SLC2A13: variants seen among roughly 807,000 people sequenced by gnomAD.
SLC2A13 encodes the protein solute carrier family 2 member 13.
In SLC2A13, 32 loss-of-function variants were observed where a neutral mutation model predicts 64.4. The observed-to-expected ratio is 0.50, with a 90% confidence interval of 0.37 to 0.67. The LOEUF (loss-of-function observed/expected upper bound fraction) is 0.67, where lower values mean the gene tolerates loss of function less well. SLC2A13 is among the 30% of genes least tolerant of loss of function. The probability of loss-of-function intolerance (pLI) is 0.00; values close to 1 mark genes in which losing one functional copy is unlikely to be tolerated. For synonymous variants in SLC2A13, 338 were observed against 327.1 expected (o/e 1.03, Z -0.36); for missense variants, 743 against 829.2 (o/e 0.90, Z 1.28).
intron 6 of SLC2A13, among the ~76,000 whole-genome samples, chr12:39,851,176 A>T (rs1943456835): frequency 1.3e-5 from 2 of 152,218 alleles, no homozygotes; most frequent in African/African-American, 2.4e-5. Context: ...CTGAGATTAC[A>T]GGCATGAGTC....
chr12:40,027,140 G>A (rs958279929), intron 3 of SLC2A13, among the ~76,000 whole-genome samples: 4 of 151,822 alleles, frequency 2.6e-5, no homozygotes, highest in Non-Finnish European at 5.9e-5. Flanking sequence ...TTAGACAGGA[G>A]CATAAAATAA....
chr12:39,935,338 C>G (rs1945900268), intron 4 of SLC2A13, among the ~76,000 whole-genome samples: 1 of 152,156 alleles, frequency 6.6e-6, no homozygotes, highest in Non-Finnish European at 1.5e-5. Context: ...AAGGTCAGGA[C>G]TAACTTGGCA....
chr12:39,876,995 G>A (rs1466344686), intron 4 of SLC2A13, among the ~76,000 whole-genome samples: 1 of 152,048 alleles, frequency 6.6e-6, no homozygotes, highest in Non-Finnish European at 1.5e-5. Flanking sequence ...AGTTCCTAGT[G>A]CTATAAATAT....
chr12:39,893,812 A>G (rs144398982), intron 4 of SLC2A13, among the ~76,000 whole-genome samples: 5 of 152,352 alleles, frequency 3.3e-5, no homozygotes, highest in Middle Eastern at 3.4e-3. Flanking sequence ...TTAAGCCCAC[A>G]AAATAATATC....
In SLC2A13 at chr12:40,038,691, ACTG is replaced by A. The variant is rs1351623104; in HGVS notation, c.716+9357_716+9359del. 9.3e-5 allele frequency among the ~76,000 whole-genome samples: 14 copies of A among 150,110 alleles called. No individual in the cohort carries two copies. In the East Asian group the frequency reaches 2.7e-3, roughly 29 times the overall value. On this transcript the variant is annotated intron_variant, in intron 2 of 9. Transcript: ENST00000280871. Reference sequence around the variant, plus strand: ...GGCTGCAGTGAGCCATGTTCATGCCACTGCACACCAGCCTGGGTGACAGAGCAA... The same window carrying A: ...GGCTGCAGTGAGCCATGTTCATGCCACACACCAGCCTGGGTGACAGAGCAA...
intron 7 of SLC2A13, among the ~76,000 whole-genome samples, chr12:39,817,009 G>C (rs1433341020): frequency 6.6e-6 from 1 of 151,924 alleles, no homozygotes; most frequent in Non-Finnish European, 1.5e-5. Flanking sequence ...CCACTTTCAG[G>C]ATACCAAGAA....
At chr12:40,022,631 G>A (rs775406359) in intron 3 of SLC2A13, among the ~76,000 whole-genome samples, 22 of 152,214 alleles carry the variant, frequency 1.4e-4, no homozygotes, top group Non-Finnish European at 2.9e-4. Context: ...GAGGTCAGGA[G>A]TTCAAGGCCA....
intron 7 of SLC2A13, among the ~76,000 whole-genome samples, chr12:39,797,740 A>ACATACGCACACACACACACATACG (rs10695272): frequency 7.6e-6 from 1 of 131,370 alleles, no homozygotes. Context: ...ACACACACAC[A>ACATACGCACACACACACACATACG]CACACACACA....
At position 40,085,963 on chromosome 12, in the gene SLC2A13, C is replaced by A. The variant is rs568223723; in HGVS notation, c.556+19290G>T. ...AATCCCAGCTCACTGCAACCTCCACCAAGTAGCTGGGATTAAAGGCACATG... is the reference window on the plus strand; with the variant it reads ...AATCCCAGCTCACTGCAACCTCCACAAAGTAGCTGGGATTAAAGGCACATG... On this transcript the variant is annotated intron_variant, in intron 1 of 9. Coordinates refer to ENST00000280871, the MANE Select transcript of SLC2A13 (RefSeq NM_052885.4). 5.9e-5 allele frequency among the ~76,000 whole-genome samples: 9 copies of A among 152,264 alleles called. No homozygotes were observed. In the South Asian group the frequency reaches 1.9e-3, roughly 32 times the overall value.
chr12:40,106,047 C>A lies in SLC2A13; in HGVS notation c.-239G>T. 1 of 379,422 alleles carries A rather than the reference C, an allele frequency of 2.6e-6. No homozygotes were observed. Among genetic ancestry groups the A allele is most frequent in the Non-Finnish European group, 4.5e-6 (1 of 220,942 alleles). 23.5% of individuals were successfully genotyped at this position (379,422 alleles called of 1,614,324 possible). A position where few individuals can be genotyped will look rare whatever the true frequency, so the allele number is the denominator to read the frequency against. ...CGGCGGGTCTCACTCCACACTCACGCCCCGCGCCTGCCGAGCTGGCGCTGC... is the reference window on the plus strand; with the variant it reads ...CGGCGGGTCTCACTCCACACTCACGACCCGCGCCTGCCGAGCTGGCGCTGC... On this transcript the variant is annotated 5_prime_UTR_variant, in exon 1 of 10. Coordinates refer to ENST00000280871, the MANE Select transcript of SLC2A13 (RefSeq NM_052885.4).
At chr12:39,947,545 T>A (rs957520711) in intron 4 of SLC2A13, among the ~76,000 whole-genome samples, 5 of 152,162 alleles carry the variant, frequency 3.3e-5, no homozygotes, top group Non-Finnish European at 2.9e-5. Context: ...GTGGTAATGA[T>A]AATGTGGGAA....
intron 1 of SLC2A13, among the ~76,000 whole-genome samples, chr12:40,089,406 T>C (rs1938688680): frequency 1.3e-5 from 2 of 152,230 alleles, no homozygotes; most frequent in African/African-American, 4.8e-5. Context: ...TCTTTAGTAA[T>C]TTGCAATCTT....
intron 6 of SLC2A13, among the ~76,000 whole-genome samples, chr12:39,862,623 C>CA (rs773369784): frequency 9.9e-5 from 15 of 152,172 alleles, no homozygotes; most frequent in Non-Finnish European, 2.2e-4. Context: ...TCTACATTTA[C>CA]AAAGTGAACT....
intron 1 of SLC2A13, among the ~76,000 whole-genome samples, chr12:40,094,395 A>C (rs1489537311): frequency 2.6e-5 from 4 of 152,216 alleles, no homozygotes; most frequent in African/African-American, 9.6e-5. Context: ...GGCCCAAATT[A>C]AGAGGTCTGG....
At chr12:39,836,252 T>TG (rs1302064548) in intron 6 of SLC2A13, among the ~76,000 whole-genome samples, 2 of 152,058 alleles carry the variant, frequency 1.3e-5, no homozygotes, top group Admixed American at 1.3e-4. Flanking sequence ...TCCTCTACTG[T>TG]GGGATGTGAG....
chr12:39,867,497 A>T (rs924441646), intron 5 of SLC2A13, among the ~76,000 whole-genome samples: 1 of 152,182 alleles, frequency 6.6e-6, no homozygotes, highest in Admixed American at 6.5e-5. Flanking sequence ...TGTTAAGTCC[A>T]TCCAATTACA....
intron 6 of SLC2A13, among the ~76,000 whole-genome samples, chr12:39,863,767 C>T (rs1388007024): frequency 6.6e-6 from 1 of 152,122 alleles, no homozygotes; most frequent in African/African-American, 2.4e-5. Flanking sequence ...TTTCCAAAGG[C>T]ACATAGATCA....
At chr12:39,765,329 T>A (rs1373817953) in intron 7 of SLC2A13, among the ~76,000 whole-genome samples, 1 of 152,010 alleles carries the variant, frequency 6.6e-6, no homozygotes, top group African/African-American at 2.4e-5. Context: ...AAACAAATGA[T>A]TCTATCTGAT....
intron 1 of SLC2A13, among the ~76,000 whole-genome samples, chr12:40,102,572 AAAG>A (rs1165977497): frequency 2.6e-5 from 4 of 152,254 alleles, no homozygotes; most frequent in African/African-American, 9.6e-5. Flanking sequence ...CGTGTGGAGG[AAAG>A]AAGTTCTTAG....
Sources: gnomAD v4.1 joint callset for allele counts (sites outside exome capture counted in the v4.1 genomes callset) on GRCh38, gnomAD v4.1.1 for gene constraint, MANE v1.5 for transcripts, NCBI Gene and HGNC (gene_info 2026-07-23, HGNC 2026-07-21) for gene names.